The following CUBN variants were observed in gnomAD, a reference collection of about 807,000 sequenced individuals.
CUBN encodes 460 kDa receptor.
Under a neutral mutation model 405.3 loss-of-function variants are expected in CUBN, and 282 were observed. That is an observed-to-expected ratio of 0.70 (90% CI 0.63 to 0.77). The LOEUF (loss-of-function observed/expected upper bound fraction) is 0.77. CUBN is among the 30% of genes least tolerant of loss of function. The pLI is 0.00. For synonymous variants in CUBN, 1,684 were observed against 1,617.0 expected (o/e 1.04, Z -0.99); for missense variants, 4,514 against 4,475.2 (o/e 1.01, Z -0.25).
chr10:16,881,866 TATATC>T (rs553117190), intron 56 of CUBN, among the ~76,000 whole-genome samples: 121 of 152,338 alleles, frequency 7.9e-4, no homozygotes, highest in African/African-American at 2.8e-3. Context: ...TTTACACACA[TATATC>T]ATATTCTAAA....
intron 56 of CUBN, among the ~76,000 whole-genome samples, chr10:16,880,426 GT>G (rs1262062589): frequency 6.6e-6 from 1 of 152,194 alleles, no homozygotes; most frequent in Admixed American, 6.5e-5. Context: ...CTGCAGCCAT[GT>G]TTCCTGACAC....
chr10:16,955,623 A>T (rs1843041575), intron 31 of CUBN, among the ~76,000 whole-genome samples: 1 of 152,136 alleles, frequency 6.6e-6, no homozygotes, highest in Non-Finnish European at 1.5e-5. Context: ...TCAGGGGGGA[A>T]ATGAGTTCCT....
chr10:16,828,759 T>G (rs1157106286), intron 66 of CUBN, 46 bp downstream of exon 66: 2 of 1,436,754 alleles, frequency 1.4e-6, no homozygotes, highest in Non-Finnish European at 2.0e-6. Context: ...GACTCATTAT[T>G]GTCTAAAAAT....
rs1401865880 is a variant in CUBN at position 16,981,178 on chromosome 10, G to GACACACACACACACACACAC, written c.4695+1286_4695+1305dup. Among the ~76,000 whole-genome samples, 763 of 145,304 alleles carry GACACACACACACACACACAC rather than the reference G, an allele frequency of 5.3e-3. 4 individuals are homozygous for GACACACACACACACACACAC. The highest frequency in any genetic ancestry group is 0.021 in the Middle Eastern group (6 of 290). On this transcript the variant is annotated intron_variant, in intron 31 of 66. Transcript: ENST00000377833. ...AGAACTCCAAGCCCCAGACTCAGCA[G>GACACACACACACACACACAC]ACACACACACACACACACACACACA...
intron 22 of CUBN, among the ~76,000 whole-genome samples, chr10:17,053,951 A>G (rs750243967): frequency 2.6e-5 from 4 of 152,176 alleles, no homozygotes; most frequent in Non-Finnish European, 4.4e-5. Flanking sequence ...TAAATAATAC[A>G]TTTGCAAATA....
At chr10:17,013,706 T>G (rs1834250247) in intron 28 of CUBN, among the ~76,000 whole-genome samples, 1 of 152,234 alleles carries the variant, frequency 6.6e-6, no homozygotes, top group Non-Finnish European at 1.5e-5. Context: ...TACACATTTA[T>G]TCTTTTTCCC....
intron 3 of CUBN, 148 bp downstream of exon 3, chr10:17,127,681 C>T (rs1837230459): frequency 5.0e-6 from 3 of 602,356 alleles, no homozygotes; most frequent in Non-Finnish European, 8.9e-6. Flanking sequence ...GCCTCCATTA[C>T]AGCTGTGTCA....
rs185959848 is a variant in CUBN, at chr10:16,937,660, C to G, written c.5858G>C (p.Gly1953Ala). 45 of 1,613,842 alleles carry G rather than the reference C, an allele frequency of 2.8e-5. No individual in the cohort carries two copies. The highest frequency in any genetic ancestry group is 3.6e-5 in the Non-Finnish European group (43 of 1,179,972). The change falls in exon 39 of 67, where the codon GGG becomes GCG. Residue 1953 changes from glycine to alanine, a missense_variant. Gly to Ala is a moderately conservative substitution (Grantham distance 60). Transcript: ENST00000377833. ...AAACCACTCCAGAAGGAATCCCTTC[C>G]CTGAGATTGAAGAGTCGGAGTAAAA... ...FHFYSDSSIS[G>A]KGFLLEWFAV...
At position 17,045,162 on chromosome 10, in the gene CUBN, T is replaced by C. The variant is rs768104200; in HGVS notation, c.3517A>G (p.Ser1173Gly). 3.4e-5 allele frequency: 55 copies of C among 1,613,642 alleles called. No individual in the cohort carries two copies. In the East Asian group the frequency reaches 6.2e-4, roughly 18 times the overall value. The change falls in exon 25 of 67, where the codon AGC becomes GGC. Residue 1173 changes from serine (S) to glycine (G), a missense_variant. Ser to Gly is a moderately conservative substitution (Grantham distance 56). Transcript: ENST00000377833. The part of the protein sequence containing the change: ...TGCGGNLTTS[S>G]GTFISPNYPM... ...TAGTTGGGAGATATGAACGTGCCGC[T>C]TGAAGTGGTGAGATTACCCCCGCAA...
Position 17,068,485 on chromosome 10 carries a change from C to A in CUBN, c.2791+120G>T, listed in dbSNP as rs766708155. ...TGATTAGAAAATATACATTCTTTGT[C>A]TTTGAGTGTACTTTAAAATTTTTCA... On this transcript the variant is annotated intron_variant, in intron 20 of 66. Coordinates refer to ENST00000377833, the MANE Select transcript of CUBN (RefSeq NM_001081.4). 16 of 972,610 alleles carry A rather than the reference C, an allele frequency of 1.6e-5. 1 individual carries two copies. Among genetic ancestry groups the A allele is most frequent in the Non-Finnish European group, 2.5e-5 (16 of 635,018 alleles). The allele number at this position is 972,610 out of a possible 1,614,324, so 60.2% of individuals were successfully genotyped here.
rs3831351 is a variant in CUBN at position 16,874,608 on chromosome 10, GTAA to G, written c.9107-108_9107-106del. 72,638 of 1,388,936 alleles carry G rather than the reference GTAA, an allele frequency of 0.052. 6,598 individuals carry two copies. The highest frequency in any genetic ancestry group is 0.31 in the East Asian group (12,967 of 41,574). 86.0% of individuals were successfully genotyped at this position (1,388,936 alleles called of 1,614,324 possible). On this transcript the variant is annotated intron_variant, in intron 57 of 66. Coordinates refer to ENST00000377833, the MANE Select transcript of CUBN (RefSeq NM_001081.4). ...TATTGTACATTTTTCCCTAAAAGAG[GTAA>G]TAATTATTTTTCTTAAAGTGACTTA... is the stretch of plus-strand genomic sequence containing the variant.
At chr10:17,107,125 G>A (rs147520361) in intron 10 of CUBN, among the ~76,000 whole-genome samples, 7 of 152,290 alleles carry the variant, frequency 4.6e-5, no homozygotes, top group African/African-American at 1.7e-4. Flanking sequence ...TAATTATGAT[G>A]TACATGAGGT....
At chr10:17,097,103 G>A (rs557662417) in intron 14 of CUBN, among the ~76,000 whole-genome samples, 1 of 152,108 alleles carries the variant, frequency 6.6e-6, no homozygotes, top group South Asian at 2.1e-4. Context: ...ATAAAACCAT[G>A]AGGAAAATCA....
At chr10:17,037,777 C>T (rs1035809252) in intron 27 of CUBN, among the ~76,000 whole-genome samples, 2 of 152,188 alleles carry the variant, frequency 1.3e-5, no homozygotes, top group Admixed American at 6.5e-5. Context: ...GGGACCTAGA[C>T]TTCAGTCTAC....
chr10:16,882,633 A>T (rs1840695649), intron 56 of CUBN, among the ~76,000 whole-genome samples: 1 of 152,216 alleles, frequency 6.6e-6, no homozygotes, highest in Non-Finnish European at 1.5e-5. Context: ...GGGCCGAGAC[A>T]CCAAAGAGGA....
intron 31 of CUBN, among the ~76,000 whole-genome samples, chr10:16,972,798 T>C (rs1320479216): frequency 6.6e-6 from 1 of 151,994 alleles, no homozygotes; most frequent in Non-Finnish European, 1.5e-5. Context: ...CACCATGTAA[T>C]TAGCCTCTAA....
At chr10:17,020,146 G>C (rs902351859) in intron 27 of CUBN, among the ~76,000 whole-genome samples, 163 bp from the exon 28 acceptor site, 21 of 152,182 alleles carry the variant, frequency 1.4e-4, no homozygotes, top group African/African-American at 4.1e-4. Flanking sequence ...ATTAAAAATT[G>C]ATAATTGCAT....
Position 16,828,939 on chromosome 10 carries a change from G to A in CUBN, c.10630C>T (p.Pro3544Ser). The A allele has an allele frequency of 6.2e-7, 1 of 1,614,098 alleles. No individual in the cohort carries two copies. The highest frequency in any genetic ancestry group is 8.5e-7 in the Non-Finnish European group (1 of 1,180,018). ...TTGATGGTGACAAGCCTTCCAGCAGGAGCAACAAGGACCCACTCGCAGTAC... is the reference window on the plus strand; with the variant it reads ...TTGATGGTGACAAGCCTTCCAGCAGAAGCAACAAGGACCCACTCGCAGTAC... ...NTYCEWVLVA[P>S]AGRLVTINFY... Residue 3544 changes from proline (P) to serine (S), a missense_variant, in exon 66 of 67, where the codon CCT becomes TCT. Coordinates refer to ENST00000377833, the MANE Select transcript of CUBN (RefSeq NM_001081.4).
At chr10:17,062,714 AG>A (rs1312943819) in intron 22 of CUBN, among the ~76,000 whole-genome samples, 4 of 152,248 alleles carry the variant, frequency 2.6e-5, no homozygotes, top group Admixed American at 2.0e-4. Context: ...CAGATGGAAA[AG>A]TATCTGAACT....
Sources: allele counts gnomAD v4.1 joint callset (sites outside exome capture counted in the v4.1 genomes callset), GRCh38; gene constraint gnomAD v4.1.1; transcripts MANE v1.5; gene names NCBI Gene and HGNC (gene_info 2026-07-23, HGNC 2026-07-21).